Variants in FKTN observed in about 807,000 individuals in gnomAD.
FKTN encodes the protein fukutin.
Under a neutral mutation model 58.6 loss-of-function variants are expected in FKTN, and 47 were observed. That is an observed-to-expected ratio of 0.80 (90% CI 0.63 to 1.02). The LOEUF (loss-of-function observed/expected upper bound fraction) is 1.02. Among genes scored for constraint, FKTN ranks in the 50% least tolerant of loss-of-function variants. The pLI is 0.00. For synonymous variants in FKTN, 178 were observed against 191.9 expected, an observed-to-expected ratio of 0.93 and a Z score of 0.60; for missense variants, 516 against 537.3, an observed-to-expected ratio of 0.96 and a Z score of 0.39.
At chr9:105,599,126 TG>T (rs1241127248) in intron 4 of FKTN, among the ~76,000 whole-genome samples, 2 of 152,362 alleles carry the variant, frequency 1.3e-5, no homozygotes, top group South Asian at 2.1e-4. Flanking sequence ...ATAGATTTTT[TG>T]TTCATGCCTT....
chr9:105,598,000 T>C (rs1283019532), intron 4 of FKTN: 1 of 347,074 alleles, frequency 2.9e-6, no homozygotes, highest in African/African-American at 2.2e-5. Context: ...ACAGGTTCAC[T>C]GATACATTTT....
rs539645300 is a variant in FKTN, at chr9:105,615,171, A to T, written c.781-107A>T. The T allele has an allele frequency of 7.8e-5, 97 of 1,239,482 alleles. 1 individual carries two copies. The South Asian group carries it at 1.1e-3, about 14-fold the overall frequency. The allele number at this position is 1,239,482 out of a possible 1,614,324, so 76.8% of individuals were successfully genotyped here. A position where few individuals can be genotyped will look rare whatever the true frequency, so the allele number is the denominator to read the frequency against. ...AGTTCTGGGGTTACAGGCGTGAGCCACTGTGCCCAGCCTGGGGTTAATTTT... is the reference window on the plus strand; with the variant it reads ...AGTTCTGGGGTTACAGGCGTGAGCCTCTGTGCCCAGCCTGGGGTTAATTTT... On this transcript the variant is annotated intron_variant, in intron 7 of 10. Coordinates refer to ENST00000357998, the MANE Select transcript of FKTN (RefSeq NM_001079802.2).
chr9:105,558,350 G>C (rs567699097), intron 1 of FKTN, among the ~76,000 whole-genome samples, 185 bp downstream of exon 1: 52 of 152,248 alleles, frequency 3.4e-4, no homozygotes, highest in Admixed American at 1.0e-3. Context: ...GTCAGTCCAC[G>C]AGCATCGCGT....
intron 3 of FKTN, among the ~76,000 whole-genome samples, chr9:105,591,064 A>G (rs575366849): frequency 5.9e-5 from 9 of 152,298 alleles, no homozygotes; most frequent in South Asian, 4.1e-4. Context: ...TAAACCATTC[A>G]TGACAAACTG....
chr9:105,616,876 A>G (rs1057295895), intron 8 of FKTN, among the ~76,000 whole-genome samples: 1 of 140,414 alleles, frequency 7.1e-6, no homozygotes, highest in East Asian at 2.0e-4. Flanking sequence ...TACTAGAATA[A>G]GCCAAAAAAA....
chr9:105,628,571 T>A (rs1167365161), intron 10 of FKTN, among the ~76,000 whole-genome samples: 2 of 152,188 alleles, frequency 1.3e-5, no homozygotes, highest in Non-Finnish European at 2.9e-5. Context: ...AGGATAGTAT[T>A]CTAAGAGAAA....
intron 7 of FKTN, among the ~76,000 whole-genome samples, chr9:105,611,737 A>G (rs1829954762): frequency 6.6e-6 from 1 of 152,156 alleles, no homozygotes; most frequent in Non-Finnish European, 1.5e-5. Context: ...TTATTTATCC[A>G]GTCTATCATT....
chr9:105,564,982 T>G (rs930719215), intron 1 of FKTN, among the ~76,000 whole-genome samples: 35 of 152,184 alleles, frequency 2.3e-4, no homozygotes, highest in Admixed American at 4.6e-4. Context: ...GAAGAGAGTG[T>G]GGGCCAATAT....
In FKTN at chr9:105,562,450, G is replaced by A. The variant is rs141581012; in HGVS notation, c.-181+4285G>A. Among the ~76,000 whole-genome samples, 163 of 152,314 alleles carry A rather than the reference G, an allele frequency of 1.1e-3. 1 individual carries two copies. The highest frequency in any genetic ancestry group is 3.7e-3 in the African/African-American group (155 of 41,564). On this transcript the variant is annotated intron_variant, in intron 1 of 10. Transcript: ENST00000357998. ...GTTCACCTCTAGGTAGTGTCAGTTG[G>A]TCCAGAATGCAAAGGTCTGAAAAAT...
At chr9:105,602,713 G>A (rs751137043) in intron 5 of FKTN, among the ~76,000 whole-genome samples, 3 of 152,046 alleles carry the variant, frequency 2.0e-5, no homozygotes, top group Non-Finnish European at 2.9e-5. Flanking sequence ...GTGCCACCAC[G>A]TGTGACTGAT....
intron 3 of FKTN, among the ~76,000 whole-genome samples, chr9:105,583,696 G>A (rs540622617): frequency 1.3e-5 from 2 of 152,142 alleles, no homozygotes; most frequent in Middle Eastern, 3.4e-3. Context: ...CAATAAATTA[G>A]TACTTAATGT....
chr9:105,577,736 T>G (rs1842017515), intron 3 of FKTN, among the ~76,000 whole-genome samples: 1 of 151,180 alleles, frequency 6.6e-6, no homozygotes, highest in Admixed American at 6.6e-5. Context: ...GGGGATGGCA[T>G]TGAATCTGTA....
chr9:105,564,387 T>A (rs1838954695), intron 1 of FKTN, among the ~76,000 whole-genome samples: 1 of 152,052 alleles, frequency 6.6e-6, no homozygotes, highest in South Asian at 2.1e-4. Flanking sequence ...CACAAAGAAG[T>A]TAAAAACCTT....
In FKTN at chr9:105,636,822, A is replaced by G; in HGVS notation, c.*1558A>G. 8.2e-7 allele frequency: 1 copy of G among 1,219,304 alleles called. No homozygotes were observed. Among genetic ancestry groups the G allele is most frequent in the Non-Finnish European group, 1.1e-6 (1 of 936,826 alleles). 75.5% of individuals were successfully genotyped at this position (1,219,304 alleles called of 1,614,324 possible). On this transcript the variant is annotated 3_prime_UTR_variant, in exon 11 of 11. Coordinates refer to ENST00000357998, the MANE Select transcript of FKTN (RefSeq NM_001079802.2). The stretch of plus-strand genomic sequence containing the variant: ...GAATGGGCTGGTAGACTTTTTCGAA[A>G]ACAAATTAGAGAAAGTAACTTACAA...
rs975023859 is a variant in FKTN, at chr9:105,636,169, A to C, written c.*905A>C. On this transcript the variant is annotated 3_prime_UTR_variant, in exon 11 of 11. Transcript: ENST00000357998. Reference sequence around the variant, plus strand: ...ACATTTTATATTTTCTGAATTTATAATCTGTGCACTCCCAATTTTAATGAC... The same window carrying C: ...ACATTTTATATTTTCTGAATTTATACTCTGTGCACTCCCAATTTTAATGAC... 18 of 919,386 alleles carry C rather than the reference A, an allele frequency of 2.0e-5. No homozygotes were observed. The Admixed American group carries it at 8.7e-4, about 44-fold the overall frequency. The allele number at this position is 919,386 out of a possible 1,614,324, so 57.0% of individuals were successfully genotyped here. A position where few individuals can be genotyped will look rare whatever the true frequency, so the allele number is the denominator to read the frequency against.
chr9:105,637,370 C>G lies in FKTN; in HGVS notation c.*2106C>G. The G allele has an allele frequency of 1.0e-6, 1 of 985,390 alleles. No individual in the cohort carries two copies. The highest frequency in any genetic ancestry group is 1.2e-6 in the Non-Finnish European group (1 of 829,910). 61.0% of individuals were successfully genotyped at this position (985,390 alleles called of 1,614,324 possible). A position where few individuals can be genotyped will look rare whatever the true frequency, so the allele number is the denominator to read the frequency against. ...GCCCAATTGACACAGGTTCTATATTCTTCCCTACATAGACCACTGGCTGCT... is the reference window on the plus strand; with the variant it reads ...GCCCAATTGACACAGGTTCTATATTGTTCCCTACATAGACCACTGGCTGCT... On this transcript the variant is annotated 3_prime_UTR_variant, in exon 11 of 11. Coordinates refer to ENST00000357998, the MANE Select transcript of FKTN (RefSeq NM_001079802.2).
intron 3 of FKTN, among the ~76,000 whole-genome samples, chr9:105,586,772 G>C (rs1231905529): frequency 1.3e-5 from 2 of 152,296 alleles, no homozygotes; most frequent in East Asian, 3.9e-4. Flanking sequence ...CATGGTAGAT[G>C]ATAACTATCA....
chr9:105,620,817 G>GTAGTAGTAGTAGTAGTAGTAGTAA (rs1188483734), intron 10 of FKTN, among the ~76,000 whole-genome samples: 1 of 150,698 alleles, frequency 6.6e-6, no homozygotes, highest in African/African-American at 2.4e-5. Flanking sequence ...AGTAGTAGTA[G>GTAGTAGTAGTAGTAGTAGTAGTAA]TAGTAAAGAA....
intron 5 of FKTN, among the ~76,000 whole-genome samples, chr9:105,602,886 C>T (rs1828150781): frequency 6.6e-6 from 1 of 152,018 alleles, no homozygotes; most frequent in South Asian, 2.1e-4. Flanking sequence ...TTGGATAGTC[C>T]CCCCTAAAAC....
Sources: allele counts gnomAD v4.1 joint callset (sites outside exome capture counted in the v4.1 genomes callset), GRCh38; gene constraint gnomAD v4.1.1; transcripts MANE v1.5; gene names NCBI Gene and HGNC (gene_info 2026-07-23, HGNC 2026-07-21).